Variants in TTC34 observed in about 807,000 individuals in gnomAD.
TTC34 encodes the protein tetratricopeptide repeat domain 34.
In TTC34, 44 loss-of-function variants were observed where a neutral mutation model predicts 40.7. That is an observed-to-expected ratio of 1.08 (90% CI 0.85 to 1.39). TTC34 has a LOEUF of 1.39. Ranked by LOEUF, TTC34 falls within the 40% of genes most tolerant of loss-of-function variation. The pLI is 0.00. For missense variants in TTC34, 884 were observed against 838.0 expected (o/e 1.05, Z -0.68); for synonymous variants, 422 against 398.6 (o/e 1.06, Z -0.70).
intron 6 of TTC34, among the ~76,000 whole-genome samples, chr1:2,648,854 G>A (rs1639071429): frequency 6.8e-6 from 1 of 148,080 alleles, no homozygotes. Context: ...AGGTGAACTT[G>A]CGACAATCCA....
At chr1:2,644,142 C>G (rs995877410) in intron 8 of TTC34, 122 bp downstream of exon 8, 12 of 1,101,522 alleles carry the variant, frequency 1.1e-5, no homozygotes, top group Middle Eastern at 3.0e-4. Context: ...CACCCCAAAC[C>G]TAACTGAAAT....
chr1:2,784,196 G>A (rs536627376), intron 5 of TTC34, among the ~76,000 whole-genome samples: 12 of 152,334 alleles, frequency 7.9e-5, no homozygotes, highest in African/African-American at 2.9e-4. Flanking sequence ...AGCAAGTCAC[G>A]TGATCAAAGG....
intron 8 of TTC34, among the ~76,000 whole-genome samples, chr1:2,642,219 T>G (rs1416359744): frequency 6.6e-6 from 1 of 152,188 alleles, no homozygotes; most frequent in African/African-American, 2.4e-5. Context: ...ATCAGGGACC[T>G]GGATTTACCT....
At chr1:2,749,684 C>A (rs1641254602) in intron 6 of TTC34, among the ~76,000 whole-genome samples, 1 of 99,766 alleles carries the variant, frequency 1.0e-5, no homozygotes, top group South Asian at 4.0e-4. Flanking sequence ...GCAACCTGCA[C>A]ACCCAGGTGA....
chr1:2,653,036 A>AGT (rs1639203979), intron 6 of TTC34, among the ~76,000 whole-genome samples: 13 of 151,876 alleles, frequency 8.6e-5, no homozygotes, highest in East Asian at 5.8e-4. Context: ...AACCTGGAGC[A>AGT]GCAACCACAC....
chr1:2,749,142 GCC>G (rs1641237807), intron 6 of TTC34, among the ~76,000 whole-genome samples: 6 of 19,770 alleles, frequency 3.0e-4, no homozygotes, highest in East Asian at 1.9e-3. Flanking sequence ...GCATCTGACA[GCC>G]TGGAACAGCA....
At chr1:2,687,802 C>T (rs576259773) in intron 6 of TTC34, among the ~76,000 whole-genome samples, 1 of 149,938 alleles carries the variant, frequency 6.7e-6, no homozygotes, top group East Asian at 1.9e-4. Flanking sequence ...GGTCGGCACC[C>T]ACACCTCCAG....
At chr1:2,799,448 CAA>C (rs1448222916) in intron 2 of TTC34, among the ~76,000 whole-genome samples, 1 of 152,048 alleles carries the variant, frequency 6.6e-6, no homozygotes, top group East Asian at 1.9e-4. Context: ...GAGGCTGAAG[CAA>C]GAGAATCTCT....
intron 6 of TTC34, among the ~76,000 whole-genome samples, chr1:2,687,135 G>C (rs1331811659): frequency 1.4e-5 from 2 of 142,932 alleles, no homozygotes; most frequent in Non-Finnish European, 3.0e-5. Flanking sequence ...CCACAGGTGA[G>C]CATCTGACAG....
At chr1:2,750,462 A>T (rs1223915572) in intron 6 of TTC34, among the ~76,000 whole-genome samples, 2 of 58,566 alleles carry the variant, frequency 3.4e-5, no homozygotes, top group African/African-American at 1.8e-4. Flanking sequence ...CGAGTATCTG[A>T]CGGCCTGGAA....
chr1:2,751,973 C>A (rs1290143891), intron 6 of TTC34, among the ~76,000 whole-genome samples: 3 of 118,702 alleles, frequency 2.5e-5, no homozygotes, highest in African/African-American at 7.5e-5. Flanking sequence ...CCCACACCCC[C>A]AGGCGAGCAT....
chr1:2,683,402 G>GCATCCGACAGCCTGGAACAGAACCCA (rs1640167581), intron 6 of TTC34, among the ~76,000 whole-genome samples: 1 of 140,130 alleles, frequency 7.1e-6, no homozygotes, highest in Admixed American at 7.2e-5. Context: ...GCCCAGGTGA[G>GCATCCGACAGCCTGGAACAGAACCCA]CATCCGATAG....
exon 9 of TTC34, chr1:2,641,837 C>A: frequency 2.0e-6 from 3 of 1,525,780 alleles, no homozygotes; most frequent in Middle Eastern, 1.7e-4. Flanking sequence ...CGAACAGTAG[C>A]CCAGCGCCTG....
intron 6 of TTC34, among the ~76,000 whole-genome samples, chr1:2,683,462 A>T (rs1640172566): frequency 6.6e-6 from 1 of 151,324 alleles, no homozygotes; most frequent in Admixed American, 6.6e-5. Context: ...AGCCTGGAGC[A>T]GCACCCACAC....
intron 6 of TTC34, among the ~76,000 whole-genome samples, chr1:2,649,398 A>G (rs910171521): frequency 3.3e-5 from 5 of 151,344 alleles, no homozygotes; most frequent in African/African-American, 4.9e-5. Flanking sequence ...TCAACGCTCA[A>G]ACCTTCAGGT....
intron 4 of TTC34, among the ~76,000 whole-genome samples, chr1:2,786,853 G>T (rs1391803028): frequency 1.3e-5 from 2 of 152,212 alleles, no homozygotes; most frequent in East Asian, 1.9e-4. Context: ...TGAGCAAGAG[G>T]ATGCAGGTTC....
intron 6 of TTC34, among the ~76,000 whole-genome samples, chr1:2,652,872 G>C (rs1639198396): frequency 6.6e-6 from 1 of 152,232 alleles, no homozygotes; most frequent in Non-Finnish European, 1.5e-5. Context: ...TGATGGTCTG[G>C]AGCAGCACCC....
At chr1:2,756,705 A>G (rs1641518751) in intron 6 of TTC34, among the ~76,000 whole-genome samples, 1 of 16,238 alleles carries the variant, frequency 6.2e-5, no homozygotes, top group African/African-American at 2.7e-4. Flanking sequence ...CAGCACCCAC[A>G]CCCCTAGGTG....
At chr1:2,777,912 A>G (rs1468343716) in intron 6 of TTC34, among the ~76,000 whole-genome samples, 1 of 152,168 alleles carries the variant, frequency 6.6e-6, no homozygotes, top group Non-Finnish European at 1.5e-5. Context: ...GCAGTTTCCA[A>G]GGATCCCTTG....
Sources: allele counts gnomAD v4.1 joint callset (sites outside exome capture counted in the v4.1 genomes callset), GRCh38; gene constraint gnomAD v4.1.1; transcripts MANE v1.5; gene names NCBI Gene and HGNC (gene_info 2026-07-23, HGNC 2026-07-21).